Variants in FNDC3A observed in about 807,000 individuals in gnomAD.
The protein encoded by FNDC3A is fibronectin type III domain containing 3A, also known as fibronectin type-III domain-containing protein 3A.
Under a neutral mutation model 148.9 loss-of-function variants are expected in FNDC3A, and 32 were observed. The observed-to-expected ratio is 0.21, with a 90% CI of 0.16 to 0.29. The LOEUF (loss-of-function observed/expected upper bound fraction) is 0.29, where lower values mean the gene tolerates loss of function less well. FNDC3A is among the 10% of genes least tolerant of loss of function. The pLI is 1.00. For synonymous variants in FNDC3A, 472 were observed against 473.6 expected (o/e 1.00, Z 0.04); for missense variants, 1,191 against 1,452.8 (o/e 0.82, Z 2.93).
At chr13:49,044,849 T>C (rs914899736) in intron 2 of FNDC3A, 1 of 356,418 alleles carries the variant, frequency 2.8e-6, no homozygotes, top group Non-Finnish European at 5.6e-6. Context: ...CTGGGGTTTG[T>C]GCAAGGTTCA....
At chr13:49,073,891 A>G (rs1566232984) in intron 2 of FNDC3A, among the ~76,000 whole-genome samples, 1 of 149,878 alleles carries the variant, frequency 6.7e-6, no homozygotes, top group South Asian at 2.1e-4. Flanking sequence ...TTAATAAAAA[A>G]AAATCCCAAA....
At chr13:49,055,898 T>A (rs114532032) in intron 2 of FNDC3A, among the ~76,000 whole-genome samples, 2,349 of 152,152 alleles carry the variant, frequency 0.015, 62 homozygotes, top group African/African-American at 0.052. Context: ...TTCAAATATT[T>A]TACAGAGGCC....
intron 8 of FNDC3A, chr13:49,146,814 G>A (rs1883025141): frequency 6.6e-6 from 1 of 152,182 alleles, no homozygotes; most frequent in Non-Finnish European, 1.5e-5. Context: ...ATTTATGATT[G>A]ACAGTTTTGA....
intron 2 of FNDC3A, among the ~76,000 whole-genome samples, chr13:49,013,760 A>C (rs1952425624): frequency 1.3e-4 from 10 of 77,342 alleles, no homozygotes; most frequent in South Asian, 1.1e-3. Flanking sequence ...CCCCCACCCC[A>C]CAACAGTCCC....
chr13:49,131,779 C>G (rs541213749), intron 5 of FNDC3A, among the ~76,000 whole-genome samples: 1 of 152,296 alleles, frequency 6.6e-6, no homozygotes, highest in Non-Finnish European at 1.5e-5. Flanking sequence ...AAGCCATAAC[C>G]TCTGCCCTCA....
chr13:48,976,680 G>C (rs895562946), intron 1 of FNDC3A: 1 of 152,410 alleles, frequency 6.6e-6, no homozygotes, highest in African/African-American at 2.4e-5. Context: ...GGCAGCCGCC[G>C]AACTTGAACG....
intron 2 of FNDC3A, among the ~76,000 whole-genome samples, chr13:49,018,267 A>G (rs1403362843): frequency 1.3e-5 from 2 of 152,122 alleles, no homozygotes; most frequent in Non-Finnish European, 2.9e-5. Flanking sequence ...GTCTTTTCAC[A>G]TAGTCGCATA....
At chr13:49,085,571 G>A (rs1398321359) in intron 3 of FNDC3A, among the ~76,000 whole-genome samples, 1 of 152,144 alleles carries the variant, frequency 6.6e-6, no homozygotes, top group Admixed American at 6.5e-5. Flanking sequence ...CAGAAGTTGT[G>A]TCTATTGTGT....
chr13:49,202,119 G>A (rs563401733), intron 24 of FNDC3A, among the ~76,000 whole-genome samples, 153 bp downstream of exon 24: 5 of 152,316 alleles, frequency 3.3e-5, no homozygotes, highest in African/African-American at 1.2e-4. Context: ...TCTACTGAGA[G>A]TTCCACTCAA....
intron 14 of FNDC3A, among the ~76,000 whole-genome samples, chr13:49,183,569 T>C (rs867891780): frequency 1.3e-5 from 2 of 152,214 alleles, no homozygotes; most frequent in Non-Finnish European, 2.9e-5. Context: ...TGTTGAACTA[T>C]AGAGCCTTAA....
chr13:49,061,318 T>TCTTCTCTTCCCTTCCCTTCCCTTCC (rs1566222179), intron 2 of FNDC3A, among the ~76,000 whole-genome samples: 9 of 99,960 alleles, frequency 9.0e-5, no homozygotes, highest in South Asian at 4.3e-4. Context: ...CCCTCTCTTC[T>TCTTCTCTTCCCTTCCCTTCCCTTCC]CTTCCCTTCC....
At chr13:49,092,189 C>T (rs1879234502) in intron 3 of FNDC3A, among the ~76,000 whole-genome samples, 1 of 152,208 alleles carries the variant, frequency 6.6e-6, no homozygotes, top group Non-Finnish European at 1.5e-5. Flanking sequence ...TGCACAGCAG[C>T]CTGGACCTGT....
chr13:49,158,972 G>C (rs1295100042), intron 8 of FNDC3A, among the ~76,000 whole-genome samples: 1 of 152,100 alleles, frequency 6.6e-6, no homozygotes, highest in Non-Finnish European at 1.5e-5. Flanking sequence ...CTGTTCCATT[G>C]GTCTACATCT....
chr13:49,072,813 G>A lies in FNDC3A; in HGVS notation c.100-2476G>A, dbSNP rs575415705. On this transcript the variant is annotated intron_variant, in intron 2 of 25. Transcript: ENST00000492622. The stretch of plus-strand genomic sequence containing the variant: ...CTACTGATTTTTGTATGTTGATTTT[G>A]TGTCCTACACCTTTACTAAATTTGT... 4.6e-5 allele frequency among the ~76,000 whole-genome samples: 7 copies of A among 151,766 alleles called. No homozygotes were observed. In the South Asian group the frequency reaches 1.5e-3, roughly 32 times the overall value.
intron 25 of FNDC3A, among the ~76,000 whole-genome samples, chr13:49,204,890 CTT>C (rs1338751498): frequency 6.6e-6 from 1 of 152,178 alleles, no homozygotes; most frequent in Non-Finnish European, 1.5e-5. Context: ...TCTCCAACAT[CTT>C]TACTTCATCA....
chr13:49,147,888 A>G (rs1883082142), intron 8 of FNDC3A, among the ~76,000 whole-genome samples: 1 of 152,114 alleles, frequency 6.6e-6, no homozygotes, highest in African/African-American at 2.4e-5. Context: ...CCTCACCAGC[A>G]TCTGTTATTT....
At chr13:49,098,026 C>G (rs1879641026) in intron 3 of FNDC3A, among the ~76,000 whole-genome samples, 1 of 152,020 alleles carries the variant, frequency 6.6e-6, no homozygotes, top group African/African-American at 2.4e-5. Flanking sequence ...AGCCTAGATA[C>G]AGAAGCCTTT....
rs1465361190 is a variant in FNDC3A, at chr13:49,207,885, T to C, written c.*490T>C. The C allele has an allele frequency of 6.5e-6, 1 of 152,830 alleles. No homozygotes were observed. Among genetic ancestry groups the C allele is most frequent in the African/African-American group, 2.4e-5 (1 of 41,436 alleles). 9.5% of individuals were successfully genotyped at this position (152,830 alleles called of 1,614,324 possible). ...CTACCTCCTCATTTGTCTTAATTAT[T>C]TGGTAAGTGGGATTATGATGAGTAA... On this transcript the variant is annotated 3_prime_UTR_variant, in exon 26 of 26. Transcript: ENST00000492622.
At chr13:48,990,895 T>C (rs920053133) in intron 1 of FNDC3A, among the ~76,000 whole-genome samples, 2 of 152,122 alleles carry the variant, frequency 1.3e-5, no homozygotes, top group Non-Finnish European at 2.9e-5. Context: ...TACTTGAAGG[T>C]ATACAGTAAT....
Sources: gnomAD v4.1 joint callset for allele counts (sites outside exome capture counted in the v4.1 genomes callset) on GRCh38, gnomAD v4.1.1 for gene constraint, MANE v1.5 for transcripts, NCBI Gene and HGNC (gene_info 2026-07-23, HGNC 2026-07-21) for gene names.